COL15A1: variants seen among roughly 807,000 people sequenced by gnomAD.
The protein encoded by COL15A1 is collagen type XV alpha 1 chain.
Under a neutral mutation model 165.9 loss-of-function variants are expected in COL15A1, and 111 were observed. The observed-to-expected ratio is 0.67, with a 90% CI of 0.57 to 0.78. COL15A1 has a LOEUF of 0.78. Among genes scored for constraint, COL15A1 ranks in the 30% least tolerant of loss-of-function variants. The probability of loss-of-function intolerance (pLI) is 0.00; values close to 1 mark genes in which losing one functional copy is unlikely to be tolerated. For missense variants in COL15A1, 1,745 were observed against 1,789.7 expected, an observed-to-expected ratio of 0.98 and a Z score of 0.45; for synonymous variants, 659 against 674.8, an observed-to-expected ratio of 0.98 and a Z score of 0.36.
chr9:99,066,743 A>G, intron 39 of COL15A1, 139 bp from the exon 40 acceptor site: 1 of 690,072 alleles, frequency 1.4e-6, no homozygotes, highest in Non-Finnish European at 2.4e-6. Flanking sequence ...TTCCAATGTC[A>G]GGGAGGGATT....
rs924168423 is a variant in COL15A1 at position 98,945,182 on chromosome 9, C to T, written c.100+932C>T. On this transcript the variant is annotated intron_variant, in intron 2 of 41. Transcript: ENST00000375001. ...AGTAACTATGTGTTGGAAAGCAATG[C>T]AAGTATTTTTATTTTTATTTTAGAT... 3.9e-5 allele frequency among the ~76,000 whole-genome samples: 6 copies of T among 152,112 alleles called. No individual in the cohort carries two copies. In the South Asian group the frequency reaches 6.2e-4, roughly 16 times the overall value.
chr9:99,066,843 T>C (rs765892026), intron 39 of COL15A1, 39 bp from the exon 40 acceptor site: 1 of 1,580,940 alleles, frequency 6.3e-7, no homozygotes, highest in Admixed American at 1.7e-5. Flanking sequence ...GGAGTTTGCC[T>C]TTGATTCTGA....
At position 99,020,371 on chromosome 9, in the gene COL15A1, C is replaced by G. The variant is rs1031801407; in HGVS notation, c.1648-18C>G. The G allele has an allele frequency of 1.9e-6, 3 of 1,606,848 alleles. No homozygotes were observed. The highest frequency in any genetic ancestry group is 1.3e-5 in the African/African-American group (1 of 74,886). ...AAATATGTTGTGGCCACGTTTTAACCAAATCTTCTTCTTTTAGGCTCAAAG... is the reference window on the plus strand; with the variant it reads ...AAATATGTTGTGGCCACGTTTTAACGAAATCTTCTTCTTTTAGGCTCAAAG... On this transcript the variant is annotated intron_variant, in intron 11 of 41. Coordinates refer to ENST00000375001, the MANE Select transcript of COL15A1 (RefSeq NM_001855.5).
At chr9:98,996,867 T>C (rs2118924719) in intron 5 of COL15A1, 67 bp from the exon 6 acceptor site, 1 of 1,590,766 alleles carries the variant, frequency 6.3e-7, no homozygotes, top group East Asian at 2.2e-5. Flanking sequence ...TTCAGTGATA[T>C]TCTCTGTCAT....
intron 2 of COL15A1, among the ~76,000 whole-genome samples, chr9:98,952,165 A>C (rs1837699237): frequency 6.6e-6 from 1 of 152,134 alleles, no homozygotes; most frequent in African/African-American, 2.4e-5. Context: ...AGAAGGAATG[A>C]AGGGGTTAGT....
chr9:99,070,708 CAT>C lies in COL15A1; in HGVS notation c.*827_*828del, dbSNP rs1564102312. On this transcript the variant is annotated 3_prime_UTR_variant, in exon 42 of 42. Transcript: ENST00000375001. ...TCATAGAGATGAATTTTCTGAGAAACATATATCTACATGTTGTATAATTGGAT... is the reference window on the plus strand; with the variant it reads ...TCATAGAGATGAATTTTCTGAGAAACATATCTACATGTTGTATAATTGGAT... The C allele has an allele frequency of 2.4e-6, 1 of 424,710 alleles. No individual in the cohort carries two copies. The highest frequency in any genetic ancestry group is 4.7e-6 in the Non-Finnish European group (1 of 212,440). 26.3% of individuals were successfully genotyped at this position (424,710 alleles called of 1,614,324 possible). A position where few individuals can be genotyped will look rare whatever the true frequency, so the allele number is the denominator to read the frequency against.
intron 32 of COL15A1, 80 bp downstream of exon 32, chr9:99,054,736 C>A (rs540935649): frequency 2.0e-6 from 3 of 1,469,514 alleles, no homozygotes; most frequent in African/African-American, 2.8e-5. Flanking sequence ...GTGACCTAGC[C>A]AGAGGGTAAG....
intron 5 of COL15A1, among the ~76,000 whole-genome samples, chr9:98,995,525 G>T (rs1453546979): frequency 6.6e-6 from 1 of 152,130 alleles, no homozygotes; most frequent in Non-Finnish European, 1.5e-5. Flanking sequence ...CCCTCTGCCT[G>T]CCTCCCTGGG....
rs188491582 is a variant in COL15A1 at position 99,024,344 on chromosome 9, G to A, written c.1855-530G>A. On this transcript the variant is annotated intron_variant, in intron 14 of 41. Transcript: ENST00000375001. ...CGCCCAGGCTGGAGTGCAGTGGCGC[G>A]GTCTCGGCTCACTGCAAGCTCCACC... 7.2e-4 allele frequency among the ~76,000 whole-genome samples: 107 copies of A among 147,958 alleles called. No homozygotes were observed. In the South Asian group the frequency reaches 0.011, roughly 15 times the overall value.
chr9:99,035,499 C>T, intron 19 of COL15A1, 81 bp downstream of exon 19: 1 of 1,569,252 alleles, frequency 6.4e-7, no homozygotes, highest in African/African-American at 1.3e-5. Context: ...TGCATCCCGG[C>T]TCTGCCACTT....
chr9:98,987,230 C>A, intron 3 of COL15A1, 64 bp from the exon 4 acceptor site: 1 of 1,480,284 alleles, frequency 6.8e-7, no homozygotes, highest in Admixed American at 1.7e-5. Context: ...ACAATCATGT[C>A]TTCCACTGGC....
chr9:99,025,479 T>G (rs1002912906), intron 15 of COL15A1, among the ~76,000 whole-genome samples: 5 of 152,212 alleles, frequency 3.3e-5, no homozygotes, highest in Non-Finnish European at 7.3e-5. Flanking sequence ...GTAGATTAGG[T>G]GTATTAAATG....
intron 24 of COL15A1, among the ~76,000 whole-genome samples, chr9:99,042,422 T>C (rs1326747534): frequency 6.6e-6 from 1 of 152,166 alleles, no homozygotes; most frequent in African/African-American, 2.4e-5. Flanking sequence ...ACGAAGTGGG[T>C]AGTGAAATTG....
At position 99,048,008 on chromosome 9, in the gene COL15A1, A is replaced by G; in HGVS notation, c.2793+8A>G. On this transcript the variant is annotated splice_region_variant and intron_variant, in intron 28 of 41. Transcript: ENST00000375001. The stretch of plus-strand genomic sequence containing the variant: ...CCAGGGGTCATTATGCAGGTGAGTC[A>G]CCCTGGGGATGGAGCCGGAGGTTGG... The G allele has an allele frequency of 6.6e-7, 1 of 1,513,040 alleles. No homozygotes were observed. The highest frequency in any genetic ancestry group is 9.1e-7 in the Non-Finnish European group (1 of 1,104,538). 93.7% of individuals were successfully genotyped at this position (1,513,040 alleles called of 1,614,324 possible).
intron 23 of COL15A1, chr9:99,041,043 T>A (rs1209349481): frequency 1.2e-5 from 2 of 166,360 alleles, no homozygotes; most frequent in African/African-American, 4.8e-5. Flanking sequence ...AGAGCACACT[T>A]TCCTCTAAAT....
chr9:98,997,255 A>C (rs994666566), intron 6 of COL15A1, among the ~76,000 whole-genome samples, 174 bp downstream of exon 6: 1 of 152,196 alleles, frequency 6.6e-6, no homozygotes, highest in Non-Finnish European at 1.5e-5. Context: ...TGAGCCACAG[A>C]GAAGTTAAGT....
intron 5 of COL15A1, 125 bp from the exon 6 acceptor site, chr9:98,996,809 C>T: frequency 7.0e-7 from 1 of 1,432,682 alleles, no homozygotes; most frequent in African/African-American, 1.4e-5. Flanking sequence ...CAAGTGGGGC[C>T]AAGCTTTCCC....
At chr9:99,063,263 A>C (rs1167296155) in intron 39 of COL15A1, among the ~76,000 whole-genome samples, 154 bp downstream of exon 39, 1 of 152,156 alleles carries the variant, frequency 6.6e-6, no homozygotes, top group Admixed American at 6.5e-5. Context: ...CAGTGTGGTA[A>C]GTTGTTTGGG....
chr9:99,021,809 T>A (rs1452208666), intron 12 of COL15A1, among the ~76,000 whole-genome samples: 1 of 152,086 alleles, frequency 6.6e-6, no homozygotes, highest in Non-Finnish European at 1.5e-5. Context: ...GATCAGAGGG[T>A]GGGGATAAAT....
Sources: allele counts gnomAD v4.1 joint callset (sites outside exome capture counted in the v4.1 genomes callset), GRCh38; gene constraint gnomAD v4.1.1; transcripts MANE v1.5; gene names NCBI Gene and HGNC (gene_info 2026-07-23, HGNC 2026-07-21).